CADM2: variants seen among roughly 807,000 people sequenced by gnomAD.
CADM2 encodes the protein cell adhesion molecule 2, also known as immunoglobulin superfamily member 4D.
A neutral mutation model predicts 49.8 loss-of-function variants in CADM2; 12 were observed. That is an observed-to-expected ratio of 0.24 (90% confidence interval 0.15 to 0.39). The LOEUF (loss-of-function observed/expected upper bound fraction) is 0.39, where lower values mean the gene tolerates loss of function less well. Ranked by LOEUF, CADM2 falls within the 10% of genes least tolerant of loss-of-function variation. The pLI, the probability that CADM2 is intolerant of heterozygous loss-of-function variation, is 1.00. For synonymous variants in CADM2, 214 were observed against 175.4 expected, an observed-to-expected ratio of 1.22 and a Z score of -1.74; for missense variants, 378 against 492.3, an observed-to-expected ratio of 0.77 and a Z score of 2.20.
intron 1 of CADM2, among the ~76,000 whole-genome samples, chr3:84,963,884 C>T (rs2030761972): frequency 6.6e-6 from 1 of 151,690 alleles, no homozygotes; most frequent in Non-Finnish European, 1.5e-5. Context: ...TCTTGAAATA[C>T]AGTTTTCTCA....
intron 1 of CADM2, among the ~76,000 whole-genome samples, chr3:85,701,894 TAGATAGATAGATAGA>T (rs1439713936): frequency 6.0e-4 from 90 of 149,538 alleles, no homozygotes; most frequent in African/African-American, 2.1e-3. Context: ...GATAGATAGA[TAGATAGATAGATAGA>T]TATAAAGAAA....
chr3:85,639,917 G>T (rs2064656073), intron 1 of CADM2, among the ~76,000 whole-genome samples: 1 of 152,148 alleles, frequency 6.6e-6, no homozygotes, highest in Admixed American at 6.5e-5. Flanking sequence ...ATCTTTTTAT[G>T]ATCTGAAAAC....
chr3:85,861,689 G>A (rs1052050904), intron 3 of CADM2, among the ~76,000 whole-genome samples: 1 of 152,188 alleles, frequency 6.6e-6, no homozygotes. Context: ...ATAGTAATAA[G>A]AGAAATTCAA....
intron 2 of CADM2, among the ~76,000 whole-genome samples, chr3:85,774,304 A>G (rs1348578300): frequency 6.6e-6 from 1 of 151,884 alleles, no homozygotes; most frequent in Non-Finnish European, 1.5e-5. Context: ...TTGATAGCCT[A>G]CAGATATTTT....
chr3:85,877,684 G>GTTTT lies in CADM2; in HGVS notation c.239-5591_239-5588dup, dbSNP rs368101272. Among the ~76,000 whole-genome samples the GTTTT allele has an allele frequency of 6.1e-3, 679 of 111,920 alleles. 8 individuals carry two copies. The highest frequency in any genetic ancestry group is 0.02 in the African/African-American group (592 of 29,876). The allele number at this position is 111,920 out of a possible 152,430, so 73.4% of individuals were successfully genotyped here. A position where few individuals can be genotyped will look rare whatever the true frequency, so the allele number is the denominator to read the frequency against. On this transcript the variant is annotated intron_variant, in intron 3 of 9. Coordinates refer to ENST00000383699, the MANE Select transcript of CADM2 (RefSeq NM_001167675.2). ...CTAAATGGAACATTTTTTTTCTTCT[G>GTTTT]TTTTTTTTTTTTTTTTTTTGGTTTT...
At chr3:85,777,578 C>T (rs1377870685) in intron 2 of CADM2, among the ~76,000 whole-genome samples, 1 of 152,068 alleles carries the variant, frequency 6.6e-6, no homozygotes, top group East Asian at 1.9e-4. Flanking sequence ...CTCAGGTTTT[C>T]ATGGTTGGTT....
chr3:86,014,053 C>T, intron 8 of CADM2: 1 of 1,325,822 alleles, frequency 7.5e-7, no homozygotes, highest in Admixed American at 2.4e-5. Context: ...GATGTAATTT[C>T]TGTTCTTTTT....
intron 7 of CADM2, among the ~76,000 whole-genome samples, chr3:85,946,967 G>C (rs1177423709): frequency 6.6e-6 from 1 of 152,074 alleles, no homozygotes; most frequent in Non-Finnish European, 1.5e-5. Context: ...AAACTAAAGA[G>C]CTTCTGCACA....
intron 1 of CADM2, among the ~76,000 whole-genome samples, chr3:85,661,533 A>G (rs1167586696): frequency 6.6e-6 from 1 of 152,022 alleles, no homozygotes; most frequent in Non-Finnish European, 1.5e-5. Context: ...GTGGATGAGT[A>G]GGAGAAGGGG....
chr3:85,203,935 A>G (rs577738185), intron 1 of CADM2, among the ~76,000 whole-genome samples: 2 of 152,352 alleles, frequency 1.3e-5, no homozygotes, highest in South Asian at 4.1e-4. Flanking sequence ...ACCGTGAATG[A>G]TGAAAGAATA....
At chr3:85,088,925 G>A (rs1416317842) in intron 1 of CADM2, among the ~76,000 whole-genome samples, 1 of 151,986 alleles carries the variant, frequency 6.6e-6, no homozygotes, top group Non-Finnish European at 1.5e-5. Flanking sequence ...TAATCCCAGA[G>A]TCATCATTAT....
chr3:86,056,473 G>A (rs1738008232), intron 8 of CADM2, among the ~76,000 whole-genome samples: 1 of 152,150 alleles, frequency 6.6e-6, no homozygotes, highest in Non-Finnish European at 1.5e-5. Context: ...TTTTATTTGT[G>A]CCCAGCACAT....
chr3:85,000,361 C>T (rs1365746625), intron 1 of CADM2, among the ~76,000 whole-genome samples: 1 of 151,480 alleles, frequency 6.6e-6, no homozygotes, highest in East Asian at 1.9e-4. Context: ...CTCTTGGGCT[C>T]AAGCAATCCT....
At chr3:85,385,627 T>A (rs1262523677) in intron 1 of CADM2, 2 of 151,738 alleles carry the variant, frequency 1.3e-5, no homozygotes, top group Admixed American at 6.6e-5. Context: ...GTGATCCCTA[T>A]TTTTTTTCAG....
chr3:85,339,963 A>G (rs1042043527), intron 1 of CADM2, among the ~76,000 whole-genome samples: 6 of 151,422 alleles, frequency 4.0e-5, no homozygotes, highest in African/African-American at 1.4e-4. Context: ...TGTAAGATTA[A>G]TAAGTGTCAC....
intron 1 of CADM2, among the ~76,000 whole-genome samples, chr3:85,346,911 G>GA (rs1293236505): frequency 6.6e-6 from 1 of 151,798 alleles, no homozygotes; most frequent in Non-Finnish European, 1.5e-5. Context: ...ATAAAAACGT[G>GA]AAAAAAAGCA....
chr3:85,811,832 C>A (rs2072896124), intron 3 of CADM2, among the ~76,000 whole-genome samples: 1 of 150,546 alleles, frequency 6.6e-6, no homozygotes, highest in Non-Finnish European at 1.5e-5. Flanking sequence ...CAAAGAGTGA[C>A]CAGTTTCCTG....
At chr3:85,000,114 T>TCTCTCTCTCTCTC (rs2033384525) in intron 1 of CADM2, among the ~76,000 whole-genome samples, 1 of 136,834 alleles carries the variant, frequency 7.3e-6, no homozygotes, top group Admixed American at 7.6e-5. Context: ...TGCTTCTACT[T>TCTCTCTCTCTCTC]TCTCTCTCTC....
chr3:84,985,207 T>A (rs951454243), intron 1 of CADM2, among the ~76,000 whole-genome samples: 5 of 152,162 alleles, frequency 3.3e-5, no homozygotes, highest in Admixed American at 6.6e-5. Flanking sequence ...TATATTTTAA[T>A]ATATTGCCAA....
Sources: allele counts gnomAD v4.1 joint callset (sites outside exome capture counted in the v4.1 genomes callset), GRCh38; gene constraint gnomAD v4.1.1; transcripts MANE v1.5; gene names NCBI Gene and HGNC (gene_info 2026-07-23, HGNC 2026-07-21).